HIVEP1: variants seen among roughly 807,000 people sequenced by gnomAD.
The protein encoded by HIVEP1 is HIVEP zinc finger 1, also known as zinc finger protein 40.
Under a neutral mutation model 180.0 loss-of-function variants are expected in HIVEP1, and 36 were observed. The observed-to-expected ratio is 0.20, with a 90% CI of 0.15 to 0.26. The LOEUF (loss-of-function observed/expected upper bound fraction) is 0.26, where lower values mean the gene tolerates loss of function less well. Ranked by LOEUF, HIVEP1 falls within the 10% of genes least tolerant of loss-of-function variation. The pLI, the probability that HIVEP1 is intolerant of heterozygous loss-of-function variation, is 1.00. For synonymous variants in HIVEP1, 1,239 were observed against 1,239.0 expected, an observed-to-expected ratio of 1.00 and a Z score of 0.00; for missense variants, 3,143 against 3,268.7, an observed-to-expected ratio of 0.96 and a Z score of 0.94.
At chr6:12,211,204 C>G in the HIVEP1 span, among the ~76,000 whole-genome samples, 3 of 130,412 alleles carry the variant, frequency 2.3e-5, no homozygotes, top group African/African-American at 9.5e-5. Flanking sequence ...TTGAGACCAT[C>G]CTGGCTAACA....
intron 3 of HIVEP1, among the ~76,000 whole-genome samples, chr6:12,105,417 C>A (rs142747187): frequency 0.01 from 1,598 of 152,302 alleles, 29 homozygotes; most frequent in African/African-American, 0.036. Context: ...GGAGCCCCAG[C>A]TACTGATCTC....
intron 3 of HIVEP1, among the ~76,000 whole-genome samples, chr6:12,094,972 T>C (rs1273522490): frequency 3.3e-5 from 5 of 151,982 alleles, no homozygotes; most frequent in Admixed American, 2.6e-4. Context: ...AACATTCTAT[T>C]TTCTCTTCAG....
chr6:12,115,350 C>CTTT (rs34074662), intron 3 of HIVEP1, among the ~76,000 whole-genome samples: 1,528 of 75,256 alleles, frequency 0.02, 136 homozygotes, highest in African/African-American at 0.052. Flanking sequence ...CCCAACTATT[C>CTTT]TTTTTTTTTT....
At chr6:12,104,122 G>A (rs1774264645) in intron 3 of HIVEP1, among the ~76,000 whole-genome samples, 1 of 152,118 alleles carries the variant, frequency 6.6e-6, no homozygotes, top group African/African-American at 2.4e-5. Flanking sequence ...GACTTTCATA[G>A]TTTCAAAGTG....
At chr6:12,115,350 C>CTTTTTTTTTTTTTTTTT (rs34074662) in intron 3 of HIVEP1, among the ~76,000 whole-genome samples, 4 of 75,292 alleles carry the variant, frequency 5.3e-5, no homozygotes, top group African/African-American at 2.2e-4. Context: ...CCCAACTATT[C>CTTTTTTTTTTTTTTTTT]TTTTTTTTTT....
chr6:12,042,347 C>T (rs1352467106), intron 2 of HIVEP1, among the ~76,000 whole-genome samples: 1 of 147,724 alleles, frequency 6.8e-6, no homozygotes, highest in Non-Finnish European at 1.5e-5. Context: ...TCCCAAAGTG[C>T]TGGGATTACA....
rs1475332397 is a variant in HIVEP1, at chr6:12,163,619, G to C, written c.7315G>C (p.Gly2439Arg). Reference protein sequence around the residue: ...PAVSVVHRTLGTHRNTVTEVS... With the variant: ...PAVSVVHRTLRTHRNTVTEVS... ...TGTCAGTGTCGTTCACAGAACTTTG[G>C]GTACTCATAGGAATACGGTCACAGA... Residue 2439 changes from glycine to arginine, a missense_variant, in exon 9 of 9, where the codon GGT becomes CGT. Coordinates refer to ENST00000379388, the MANE Select transcript of HIVEP1 (RefSeq NM_002114.4). The C allele has an allele frequency of 6.2e-7, 1 of 1,614,076 alleles. No individual in the cohort carries two copies. Among genetic ancestry groups the C allele is most frequent in the East Asian group, 2.2e-5 (1 of 44,874 alleles).
chr6:12,053,225 A>G (rs1282306891), intron 2 of HIVEP1, among the ~76,000 whole-genome samples: 1 of 151,478 alleles, frequency 6.6e-6, no homozygotes, highest in Non-Finnish European at 1.5e-5. Context: ...TATGCTGTTC[A>G]TGTGTGTGTG....
chr6:12,077,429 G>A (rs2113254678), intron 2 of HIVEP1, among the ~76,000 whole-genome samples: 1 of 152,306 alleles, frequency 6.6e-6, no homozygotes, highest in Admixed American at 6.5e-5. Flanking sequence ...TGGGATCCTG[G>A]ACAGGAGCTC....
intron 2 of HIVEP1, chr6:12,037,900 G>A (rs1259563721): frequency 2.5e-6 from 1 of 394,676 alleles, no homozygotes; most frequent in Non-Finnish European, 4.5e-6. Flanking sequence ...GCGGAGGGGA[G>A]GGGAGTTCCT....
intron 2 of HIVEP1, among the ~76,000 whole-genome samples, chr6:12,024,195 T>C (rs1768431052): frequency 6.6e-6 from 1 of 152,146 alleles, no homozygotes; most frequent in Admixed American, 6.5e-5. Context: ...AAAGAAGCTC[T>C]TTTTGATCAT....
chr6:12,012,255 C>A (rs1022085215), upstream of HIVEP1: 1 of 147,406 alleles, frequency 6.8e-6, no homozygotes, highest in Non-Finnish European at 1.5e-5. Flanking sequence ...CCGCGCTCCC[C>A]CCCCCGCCCC....
downstream of HIVEP1, among the ~76,000 whole-genome samples, chr6:12,168,199 T>TATACATAC (rs1323703129): frequency 1.1e-5 from 1 of 94,668 alleles, no homozygotes; most frequent in Non-Finnish European, 2.1e-5. Context: ...TACGTGTATA[T>TATACATAC]ATACATATAT....
At chr6:12,013,203 T>TC (rs919717081) in intron 1 of HIVEP1, among the ~76,000 whole-genome samples, 1 of 81,304 alleles carries the variant, frequency 1.2e-5, no homozygotes, top group Admixed American at 1.2e-4. Context: ...AGCTGGCACT[T>TC]CCATTCCCCC....
chr6:12,012,257 C>T (rs1415714166), upstream of HIVEP1: 7 of 147,622 alleles, frequency 4.7e-5, no homozygotes, highest in Non-Finnish European at 9.1e-5. Flanking sequence ...GCGCTCCCCC[C>T]CCCGCCCCCC....
chr6:12,008,305 T>C (rs1767109572), upstream of HIVEP1: 1 of 152,156 alleles, frequency 6.6e-6, no homozygotes, highest in Admixed American at 6.5e-5. Flanking sequence ...AGAAGGGAAA[T>C]AATATTTACC....
At chr6:12,189,635 C>G in the HIVEP1 span, among the ~76,000 whole-genome samples, 2 of 152,114 alleles carry the variant, frequency 1.3e-5, no homozygotes. Context: ...ATTTGAAGGA[C>G]TATATTGAGT....
chr6:12,116,980 A>C (rs1775253857), intron 3 of HIVEP1, among the ~76,000 whole-genome samples: 1 of 152,236 alleles, frequency 6.6e-6, no homozygotes, highest in African/African-American at 2.4e-5. Context: ...TGAGAACAAA[A>C]TACTATCAGT....
At chr6:12,016,289 C>T (rs1441970980) in intron 2 of HIVEP1, among the ~76,000 whole-genome samples, 1 of 152,108 alleles carries the variant, frequency 6.6e-6, no homozygotes, top group Non-Finnish European at 1.5e-5. Context: ...TAAGTGTATT[C>T]TAGCTTATTG....
Sources: gnomAD v4.1 joint callset for allele counts (sites outside exome capture counted in the v4.1 genomes callset) on GRCh38, gnomAD v4.1.1 for gene constraint, MANE v1.5 for transcripts, NCBI Gene and HGNC (gene_info 2026-07-23, HGNC 2026-07-21) for gene names.